Variants in NXF1 observed in about 807,000 individuals in gnomAD.
The protein encoded by NXF1 is mRNA export factor TAP.
In NXF1, 43 loss-of-function variants were observed where a neutral mutation model predicts 92.4. The ratio of observed to expected loss-of-function variants is 0.47; its 90% confidence interval spans 0.36 to 0.60. The LOEUF (loss-of-function observed/expected upper bound fraction) is 0.60, where lower values mean the gene tolerates loss of function less well. NXF1 is among the 20% of genes least tolerant of loss of function. The pLI, the probability that NXF1 is intolerant of heterozygous loss-of-function variation, is 0.00. For synonymous variants in NXF1, 288 were observed against 292.2 expected (o/e 0.99, Z 0.15); for missense variants, 576 against 793.0 (o/e 0.73, Z 3.29).
rs889484249 is a variant in NXF1 at position 62,805,102 on chromosome 11, C to A, written c.28+227G>T. On this transcript the variant is annotated intron_variant, in intron 1 of 20. Coordinates refer to ENST00000294172, the MANE Select transcript of NXF1 (RefSeq NM_006362.5). The stretch of plus-strand genomic sequence containing the variant: ...AGTTCAAAGGAATCCCGTCACCCTA[C>A]CCCCGAGCCATCCGCTCCGAGCCGC... The A allele has an allele frequency of 5.1e-6, 2 of 390,390 alleles. No homozygotes were observed. Among genetic ancestry groups the A allele is most frequent in the Non-Finnish European group, 9.0e-6 (2 of 221,192 alleles). 24.2% of individuals were successfully genotyped at this position (390,390 alleles called of 1,614,324 possible).
rs377071396 is a variant in NXF1, at chr11:62,803,587, A to G, written c.216-15T>C. 6.2e-7 allele frequency: 1 copy of G among 1,613,732 alleles called. No individual in the cohort carries two copies. The highest frequency in any genetic ancestry group is 8.5e-7 in the Non-Finnish European group (1 of 1,179,924). ...TATAGGGGTTGCTGTGGGTAAGCAG[A>G]GAATAAAATGACCACAAATGCTAGG... On this transcript the variant is annotated splice_polypyrimidine_tract_variant and intron_variant, in intron 2 of 20. Transcript: ENST00000294172.
rs750101908 is a variant in NXF1, at chr11:62,800,459, T to C, written c.934A>G (p.Ile312Val). The C allele has an allele frequency of 4.3e-6, 7 of 1,613,882 alleles. No homozygotes were observed. The highest frequency in any genetic ancestry group is 1.1e-5 in the South Asian group (1 of 91,056). ...AGCTCTTCTAGCTTCAGCCCCTTTATCTTGTCCAATTCCCGCTCAGACTTC... is the reference window on the plus strand; with the variant it reads ...AGCTCTTCTAGCTTCAGCCCCTTTACCTTGTCCAATTCCCGCTCAGACTTC... ...ELKSERELDKIKGLKLEELWL... is the reference protein window; with the variant it reads ...ELKSERELDKVKGLKLEELWL... Residue 312 changes from isoleucine (I) to valine (V), a missense_variant, in exon 10 of 21, where the codon ATA becomes GTA. Physicochemically the swap from Ile to Val is conservative, Grantham distance 29. Coordinates refer to ENST00000294172, the MANE Select transcript of NXF1 (RefSeq NM_006362.5).
At position 62,799,166 on chromosome 11, in the gene NXF1, G is replaced by A. The variant is rs1018150479; in HGVS notation, c.1017-591C>T. On this transcript the variant is annotated intron_variant, in intron 10 of 20. Coordinates refer to ENST00000294172, the MANE Select transcript of NXF1 (RefSeq NM_006362.5). ...ATAGGAGACAGACAGAAAAAGGAAA[G>A]AGAAAGCAAAGAAAAAGAGAAAGAA... 5 of 984,982 alleles carry A rather than the reference G, an allele frequency of 5.1e-6. No individual in the cohort carries two copies. In the African/African-American group the frequency reaches 7.0e-5, roughly 14 times the overall value. 61.0% of individuals were successfully genotyped at this position (984,982 alleles called of 1,614,324 possible).
chr11:62,804,237 G>C lies in NXF1; in HGVS notation c.29-259C>G, dbSNP rs1053547999. The C allele has an allele frequency of 7.6e-6, 11 of 1,453,374 alleles. No homozygotes were observed. In the African/African-American group the frequency reaches 1.5e-4, roughly 20 times the overall value. 90.0% of individuals were successfully genotyped at this position (1,453,374 alleles called of 1,614,324 possible). On this transcript the variant is annotated intron_variant, in intron 1 of 20. Coordinates refer to ENST00000294172, the MANE Select transcript of NXF1 (RefSeq NM_006362.5). ...TGGAATTAGAGAGAAGCAGGATGTA[G>C]AAATGTGAGACCCAAAAGTGTAACT... is the stretch of plus-strand genomic sequence containing the variant.
At chr11:62,798,439 AAAAAAAAAAAAG>A (rs929536690) in intron 11 of NXF1, 88 bp downstream of exon 11, 2 of 1,457,050 alleles carry the variant, frequency 1.4e-6, no homozygotes, top group African/African-American at 2.9e-5. Flanking sequence ...TCTCAAATAA[AAAAAAAAAAAAG>A]AAAAAGAAAA....
chr11:62,798,273 C>T (rs2084441649), intron 11 of NXF1, among the ~76,000 whole-genome samples: 1 of 150,744 alleles, frequency 6.6e-6, no homozygotes, highest in Non-Finnish European at 1.5e-5. Flanking sequence ...ACTAAAAATA[C>T]AAAAATTAGC....
chr11:62,805,416 A>C lies in NXF1; in HGVS notation c.-60T>G, dbSNP rs375138728. On this transcript the variant is annotated 5_prime_UTR_variant, in exon 1 of 21. Coordinates refer to ENST00000294172, the MANE Select transcript of NXF1 (RefSeq NM_006362.5). ...GGCCGCTACGCCGGCAAACAACCTA[A>C]CTCCCAAGCGCTCAGGACCGAAGTG... The C allele has an allele frequency of 4.4e-5, 71 of 1,604,142 alleles. No individual in the cohort carries two copies. Among genetic ancestry groups the C allele is most frequent in the South Asian group, 1.3e-4 (12 of 89,250 alleles).
rs1451720246 is a variant in NXF1, at chr11:62,794,247, C to T, written c.1760+11G>A. The T allele has an allele frequency of 1.9e-6, 3 of 1,608,480 alleles. No individual in the cohort carries two copies. The highest frequency in any genetic ancestry group is 3.3e-5 in the Admixed American group (2 of 59,890). The stretch of plus-strand genomic sequence containing the variant: ...CAGTGCATCCCCATCCTACACATGC[C>T]CCGCACTCACTTCTGGGACCACTCG... On this transcript the variant is annotated intron_variant, in intron 19 of 20. Coordinates refer to ENST00000294172, the MANE Select transcript of NXF1 (RefSeq NM_006362.5).
intron 13 of NXF1, 58 bp from the exon 14 acceptor site, chr11:62,796,625 C>G (rs1174616790): frequency 5.3e-6 from 6 of 1,133,736 alleles, no homozygotes; most frequent in Non-Finnish European, 8.0e-6. Context: ...ATACAAGGAC[C>G]CAGTAGCTCC....
In NXF1 at chr11:62,799,659, C is replaced by T. The variant is rs544502314; in HGVS notation, c.1016+718G>A. 9.0e-5 allele frequency: 89 copies of T among 985,862 alleles called. 1 individual carries two copies. In the African/African-American group the frequency reaches 1.4e-3, roughly 15 times the overall value. The allele number at this position is 985,862 out of a possible 1,614,324, so 61.1% of individuals were successfully genotyped here. On this transcript the variant is annotated intron_variant, in intron 10 of 20. Transcript: ENST00000294172. ...CAGCGCCCCCGAGGGGGTCAGTTCT[C>T]TGTCTCCTTGGTAGCCTATGCCCCC...
In NXF1 at chr11:62,801,173, C is replaced by A; in HGVS notation, c.827G>T (p.Arg276Met). The A allele has an allele frequency of 6.2e-7, 1 of 1,614,220 alleles. No homozygotes were observed. Among genetic ancestry groups the A allele is most frequent in the Middle Eastern group, 1.6e-4 (1 of 6,062 alleles). The change falls in exon 9 of 21, where the codon AGG (arginine) becomes ATG (methionine). Residue 276 changes from arginine (R) to methionine (M), a missense_variant. Arg to Met is a moderately conservative substitution (Grantham distance 91). Transcript: ENST00000294172. Reference protein sequence around the residue: ...ELLSLNLSNNRLYRLDDMSSI... With the variant: ...ELLSLNLSNNMLYRLDDMSSI... Reference sequence around the variant, plus strand: ...AGACATGTCATCCAGCCTGTACAGCCTGTTGTTGCTCAAGTTCAAGGACAA... The same window carrying A: ...AGACATGTCATCCAGCCTGTACAGCATGTTGTTGCTCAAGTTCAAGGACAA...
chr11:62,803,000 C>T (rs1185660312), intron 3 of NXF1, among the ~76,000 whole-genome samples: 1 of 152,138 alleles, frequency 6.6e-6, no homozygotes, highest in African/African-American at 2.4e-5. Flanking sequence ...AAGATAGATA[C>T]TTGAGTGTGG....
At chr11:62,804,710 G>A (rs1256226080) in intron 1 of NXF1, among the ~76,000 whole-genome samples, 1 of 152,168 alleles carries the variant, frequency 6.6e-6, no homozygotes, top group South Asian at 2.1e-4. Context: ...TCCAGTGCCG[G>A]CCACTATGCT....
intron 13 of NXF1, chr11:62,796,963 A>T (rs892033030): frequency 1.6e-5 from 9 of 568,548 alleles, no homozygotes; most frequent in Non-Finnish European, 2.5e-5. Context: ...GCTACTGGGG[A>T]GGCTGAGGCA....
chr11:62,801,476 T>C (rs1590953940), intron 7 of NXF1, 59 bp from the exon 8 acceptor site: 2 of 1,606,408 alleles, frequency 1.2e-6, no homozygotes, highest in East Asian at 2.2e-5. Flanking sequence ...ATGCCAGCAT[T>C]AGCAGTAAAA....
rs771024505 is a variant in NXF1, at chr11:62,796,048, G to T, written c.1461+18C>A. On this transcript the variant is annotated intron_variant, in intron 16 of 20. Transcript: ENST00000294172. ...CACCCCAATTCTAGGCTTCTGTCAG[G>T]CGCAAGCAGGAGCTTACTGTCTGGG... is the stretch of plus-strand genomic sequence containing the variant. The T allele has an allele frequency of 4.3e-6, 7 of 1,612,612 alleles. No homozygotes were observed. Among genetic ancestry groups the T allele is most frequent in the African/African-American group, 4.0e-5 (3 of 74,550 alleles).
intron 11 of NXF1, among the ~76,000 whole-genome samples, chr11:62,797,825 T>C (rs1388638547): frequency 6.6e-6 from 1 of 151,666 alleles, no homozygotes; most frequent in Non-Finnish European, 1.5e-5. Flanking sequence ...AAACGCATCA[T>C]GAAAAGTATC....
chr11:62,798,733 T>TCC, intron 10 of NXF1, 158 bp from the exon 11 acceptor site: 1 of 1,435,930 alleles, frequency 7.0e-7, no homozygotes, highest in East Asian at 2.6e-5. Context: ...TGGCCCCCAC[T>TCC]CCCCACCTGA....
At chr11:62,798,785 T>C (rs2084447955) in intron 10 of NXF1, 1 of 1,379,508 alleles carries the variant, frequency 7.2e-7, no homozygotes, top group Non-Finnish European at 9.3e-7. Flanking sequence ...GGCTGTCTCT[T>C]TTCTCTCTGC....
Sources: gnomAD v4.1 joint callset for allele counts (sites outside exome capture counted in the v4.1 genomes callset) on GRCh38, gnomAD v4.1.1 for gene constraint, MANE v1.5 for transcripts, NCBI Gene and HGNC (gene_info 2026-07-23, HGNC 2026-07-21) for gene names.